The following CEP112 variants were observed in gnomAD, a reference collection of about 807,000 sequenced individuals.
CEP112 encodes centrosomal protein 112, also known as centrosomal protein of 112 kDa.
In CEP112, 127 loss-of-function variants were observed where a neutral mutation model predicts 153.0. The observed-to-expected ratio is 0.83, with a 90% CI of 0.72 to 0.96. CEP112 has a LOEUF of 0.96. Among genes scored for constraint, CEP112 ranks in the 40% least tolerant of loss-of-function variants. The pLI is 0.00. For synonymous variants in CEP112, 358 were observed against 374.4 expected (o/e 0.96, Z 0.51); for missense variants, 1,089 against 1,101.2 (o/e 0.99, Z 0.16).
At chr17:65,886,098 C>T (rs1030283020) in intron 20 of CEP112, among the ~76,000 whole-genome samples, 7 of 152,166 alleles carry the variant, frequency 4.6e-5, no homozygotes, top group Admixed American at 1.3e-4. Context: ...CCTTTAAAGT[C>T]CCGCCTTTGG....
chr17:65,976,553 T>A (rs951162284), intron 17 of CEP112, among the ~76,000 whole-genome samples: 3 of 152,158 alleles, frequency 2.0e-5, no homozygotes, highest in African/African-American at 7.2e-5. Context: ...CCTATAGAAG[T>A]ATGCCATCTG....
rs547671781 is a variant in CEP112 at position 65,962,259 on chromosome 17, G to A, written c.1737-661C>T. Among the ~76,000 whole-genome samples the A allele has an allele frequency of 1.6e-4, 24 of 151,864 alleles. No homozygotes were observed. In the South Asian group the frequency reaches 5.0e-3, roughly 32 times the overall value. ...CAAAGGAGTGAATTTTATGGTATGTGAATTATATCTCATGTTTTTTTTTTA... is the reference window on the plus strand; with the variant it reads ...CAAAGGAGTGAATTTTATGGTATGTAAATTATATCTCATGTTTTTTTTTTA... On this transcript the variant is annotated intron_variant, in intron 17 of 26. Coordinates refer to ENST00000535342, the MANE Select transcript of CEP112 (RefSeq NM_001199165.4).
Position 65,927,671 on chromosome 17 carries a change from C to G in CEP112, c.1891G>C (p.Asp631His), listed in dbSNP as rs1174929233. Reference sequence around the variant, plus strand: ...CGAAGAGATTTGGATCTAGTTAGATCTGCCTCCACTTTTTCCATCTATAAA... The same window carrying G: ...CGAAGAGATTTGGATCTAGTTAGATGTGCCTCCACTTTTTCCATCTATAAA... ...MKEQMEKVEADLTRSKSLREK... is the reference protein window; with the variant it reads ...MKEQMEKVEAHLTRSKSLREK... The change falls in exon 19 of 27, where the codon GAT becomes CAT. Residue 631 changes from aspartate (D) to histidine (H), a missense_variant. Physicochemically the swap from Asp to His is moderately conservative, Grantham distance 81 (BLOSUM62 -1). Coordinates refer to ENST00000535342, the MANE Select transcript of CEP112 (RefSeq NM_001199165.4). 6.4e-7 allele frequency: 1 copy of G among 1,567,244 alleles called. No homozygotes were observed. The highest frequency in any genetic ancestry group is 2.0e-5 in the Admixed American group (1 of 49,798).
At chr17:65,984,531 C>G (rs147569054) in intron 17 of CEP112, among the ~76,000 whole-genome samples, 1 of 151,742 alleles carries the variant, frequency 6.6e-6, no homozygotes, top group Non-Finnish European at 1.5e-5. Flanking sequence ...AACAGAAGAC[C>G]GACAAAACAG....
At chr17:65,980,022 T>C (rs2145122757) in intron 17 of CEP112, among the ~76,000 whole-genome samples, 1 of 152,182 alleles carries the variant, frequency 6.6e-6, no homozygotes, top group Non-Finnish European at 1.5e-5. Flanking sequence ...TATAATCACA[T>C]AACACCCCAT....
At chr17:65,853,663 G>A (rs1598785579) in intron 20 of CEP112, among the ~76,000 whole-genome samples, 1 of 151,820 alleles carries the variant, frequency 6.6e-6, no homozygotes, top group African/African-American at 2.4e-5. Flanking sequence ...GGGAGGTGGA[G>A]GTTGCAGTGA....
chr17:65,676,455 TTAA>T (rs2047239633), intron 24 of CEP112, among the ~76,000 whole-genome samples: 1 of 151,882 alleles, frequency 6.6e-6, no homozygotes, highest in Non-Finnish European at 1.5e-5. Flanking sequence ...GAAAAATTAA[TTAA>T]TGTTTAAATA....
At chr17:66,181,585 G>A (rs563462171) in intron 2 of CEP112, among the ~76,000 whole-genome samples, 2 of 152,152 alleles carry the variant, frequency 1.3e-5, no homozygotes, top group Admixed American at 1.3e-4. Flanking sequence ...TTGATCTCCT[G>A]ACTTCATGAT....
intron 19 of CEP112, among the ~76,000 whole-genome samples, chr17:65,916,285 G>GTGTGTGTGTGTA (rs1568222913): frequency 4.0e-5 from 6 of 148,426 alleles, no homozygotes; most frequent in South Asian, 2.2e-4. Flanking sequence ...GTGTGTGTGT[G>GTGTGTGTGTGTA]TGTGTGTATG....
chr17:65,717,985 A>C (rs928118617), intron 23 of CEP112, among the ~76,000 whole-genome samples: 2 of 152,202 alleles, frequency 1.3e-5, no homozygotes, highest in African/African-American at 4.8e-5. Flanking sequence ...TTTCTCTATT[A>C]ATATAAAATT....
At chr17:66,018,762 G>A (rs568688014) in intron 16 of CEP112, among the ~76,000 whole-genome samples, 3 of 152,194 alleles carry the variant, frequency 2.0e-5, no homozygotes, top group South Asian at 4.2e-4. Context: ...ATTAGACTTC[G>A]TATCTCATTT....
At chr17:65,956,600 C>A (rs1222167687) in intron 18 of CEP112, among the ~76,000 whole-genome samples, 1 of 129,162 alleles carries the variant, frequency 7.7e-6, no homozygotes, top group Non-Finnish European at 1.7e-5. Flanking sequence ...AAGAATGATA[C>A]AATAAACTCT....
chr17:66,095,036 C>T (rs570289144), intron 8 of CEP112, among the ~76,000 whole-genome samples: 1 of 152,160 alleles, frequency 6.6e-6, no homozygotes, highest in East Asian at 1.9e-4. Context: ...GAACCCTTGC[C>T]CAGTGTTGGC....
At chr17:65,748,504 A>T (rs1462202398) in intron 22 of CEP112, among the ~76,000 whole-genome samples, 3 of 152,078 alleles carry the variant, frequency 2.0e-5, no homozygotes, top group African/African-American at 7.2e-5. Context: ...ACCTTTTTTC[A>T]TTCTTCCCTG....
chr17:65,844,668 C>A (rs1224122729), intron 21 of CEP112, among the ~76,000 whole-genome samples: 1 of 139,360 alleles, frequency 7.2e-6, no homozygotes, highest in South Asian at 2.3e-4. Flanking sequence ...CAAAGGAAGA[C>A]TCTATCTCAA....
At chr17:66,168,339 CTTT>C (rs2072070556) in intron 4 of CEP112, among the ~76,000 whole-genome samples, 1 of 151,632 alleles carries the variant, frequency 6.6e-6, no homozygotes, top group South Asian at 2.1e-4. Context: ...TTATGTACTT[CTTT>C]TTAACTTTAT....
At chr17:66,167,992 A>T (rs2072050982) in intron 4 of CEP112, among the ~76,000 whole-genome samples, 3 of 152,158 alleles carry the variant, frequency 2.0e-5, no homozygotes, top group Non-Finnish European at 1.5e-5. Context: ...TTACTAGAAA[A>T]TTTTTTATTT....
intron 11 of CEP112, among the ~76,000 whole-genome samples, chr17:66,055,158 C>G (rs764394503): frequency 6.6e-6 from 1 of 152,070 alleles, no homozygotes; most frequent in African/African-American, 2.4e-5. Context: ...ACTGGAAGGA[C>G]AGGGAAAACC....
chr17:65,750,421 G>T (rs2051750609), intron 22 of CEP112, among the ~76,000 whole-genome samples: 1 of 151,724 alleles, frequency 6.6e-6, no homozygotes, highest in Non-Finnish European at 1.5e-5. Flanking sequence ...GTGTGTGTAT[G>T]TGTGTGTGTG....
Sources: gnomAD v4.1 joint callset for allele counts (sites outside exome capture counted in the v4.1 genomes callset) on GRCh38, gnomAD v4.1.1 for gene constraint, MANE v1.5 for transcripts, NCBI Gene and HGNC (gene_info 2026-07-23, HGNC 2026-07-21) for gene names.